The following CA10 variants were observed in gnomAD, a reference collection of about 807,000 sequenced individuals.
CA10 encodes carbonic anhydrase-related protein 10.
Under a neutral mutation model 44.2 loss-of-function variants are expected in CA10, and 14 were observed. That is an observed-to-expected ratio of 0.32 (90% CI 0.21 to 0.50). The LOEUF (loss-of-function observed/expected upper bound fraction) is 0.50, where lower values mean the gene tolerates loss of function less well. Ranked by LOEUF, CA10 falls within the 20% of genes least tolerant of loss-of-function variation. The pLI is 0.99. For synonymous variants in CA10, 159 were observed against 141.6 expected (o/e 1.12, Z -0.87); for missense variants, 350 against 409.7 (o/e 0.85, Z 1.26).
At chr17:51,750,391 T>C (rs560646097) in intron 3 of CA10, among the ~76,000 whole-genome samples, 38 of 152,354 alleles carry the variant, frequency 2.5e-4, no homozygotes, top group Admixed American at 3.9e-4. Context: ...TTCTAACATA[T>C]AGATATTTCC....
intron 4 of CA10, among the ~76,000 whole-genome samples, chr17:51,684,941 C>T (rs1914960248): frequency 6.6e-6 from 1 of 152,118 alleles, no homozygotes; most frequent in Non-Finnish European, 1.5e-5. Context: ...TTCTTAGCTC[C>T]ACATTTGGCC....
intron 3 of CA10, among the ~76,000 whole-genome samples, chr17:51,911,456 G>A (rs1981787316): frequency 6.6e-6 from 1 of 152,138 alleles, no homozygotes; most frequent in Admixed American, 6.6e-5. Context: ...ATTCTGCATA[G>A]CATTACCAGA....
chr17:52,011,695 G>A (rs961663921), intron 2 of CA10, among the ~76,000 whole-genome samples: 2 of 151,844 alleles, frequency 1.3e-5, no homozygotes, highest in Non-Finnish European at 2.9e-5. Flanking sequence ...AGACAAGGAC[G>A]GCATGTATGA....
intron 3 of CA10, among the ~76,000 whole-genome samples, chr17:51,928,588 A>G (rs1420926644): frequency 1.3e-5 from 2 of 152,164 alleles, no homozygotes; most frequent in African/African-American, 2.4e-5. Flanking sequence ...GTGGATAAAA[A>G]TGCGACACAA....
chr17:51,770,938 A>C (rs972546901), intron 3 of CA10, among the ~76,000 whole-genome samples: 5 of 151,916 alleles, frequency 3.3e-5, no homozygotes, highest in African/African-American at 1.2e-4. Context: ...ATCCTGGCCA[A>C]CATGGTGAAA....
intron 3 of CA10, among the ~76,000 whole-genome samples, chr17:51,759,664 C>T (rs1274843065): frequency 1.3e-5 from 2 of 152,116 alleles, no homozygotes; most frequent in Admixed American, 1.3e-4. Context: ...CTCCACCCCC[C>T]ATTCTGCCTC....
Position 52,157,835 on chromosome 17 carries a change from AG to A in CA10, c.-50del, listed in dbSNP as rs749047298. ...ATCACTCGACGGGAAAACGGGGGGAAGGGGGGAGCCCGACACGGCACACACA... is the reference window on the plus strand; with the variant it reads ...ATCACTCGACGGGAAAACGGGGGGAAGGGGGAGCCCGACACGGCACACACA... On this transcript the variant is annotated 5_prime_UTR_variant, in exon 1 of 9. The change abolishes the stop of an existing upstream ORF in the 5' untranslated region. Transcript: ENST00000451037. 2 of 1,496,894 alleles carry A rather than the reference AG, an allele frequency of 1.3e-6. No individual in the cohort carries two copies. The highest frequency in any genetic ancestry group is 1.9e-6 in the Non-Finnish European group (2 of 1,073,158). 92.7% of individuals were successfully genotyped at this position (1,496,894 alleles called of 1,614,324 possible).
At chr17:51,909,827 G>A (rs559939675) in intron 3 of CA10, among the ~76,000 whole-genome samples, 4 of 152,186 alleles carry the variant, frequency 2.6e-5, no homozygotes, top group South Asian at 4.2e-4. Flanking sequence ...CAAGAATGTC[G>A]AGAAAGACTC....
chr17:51,790,798 A>T (rs1906492087), intron 3 of CA10, among the ~76,000 whole-genome samples: 1 of 152,238 alleles, frequency 6.6e-6, no homozygotes, highest in Non-Finnish European at 1.5e-5. Flanking sequence ...AACATTTGTT[A>T]ACAATGAACT....
Position 51,858,621 on chromosome 17 carries a change from G to C in CA10, c.279+72369C>G, listed in dbSNP as rs181909264. Among the ~76,000 whole-genome samples the C allele has an allele frequency of 1.8e-3, 278 of 152,242 alleles. 1 individual carries two copies. Among genetic ancestry groups the C allele is most frequent in the African/African-American group, 6.4e-3 (264 of 41,524 alleles). ...CTTGCCATATTTTAATTCTTTGAAC[G>C]TGCACCAACAATTACATTTTTATAA... is the stretch of plus-strand genomic sequence containing the variant. On this transcript the variant is annotated intron_variant, in intron 3 of 8. Coordinates refer to ENST00000451037, the MANE Select transcript of CA10 (RefSeq NM_020178.5).
At chr17:51,993,701 T>G (rs1458292588) in intron 2 of CA10, among the ~76,000 whole-genome samples, 1 of 152,086 alleles carries the variant, frequency 6.6e-6, no homozygotes, top group Non-Finnish European at 1.5e-5. Flanking sequence ...GAGCTGCATA[T>G]GTGATTTTGC....
chr17:51,973,406 A>C (rs1197279611), intron 2 of CA10, among the ~76,000 whole-genome samples: 1 of 152,206 alleles, frequency 6.6e-6, no homozygotes, highest in Admixed American at 6.5e-5. Context: ...GCAGATAAGG[A>C]GCTCCAGAAA....
At chr17:51,760,538 A>T (rs1905190266) in intron 3 of CA10, among the ~76,000 whole-genome samples, 1 of 152,190 alleles carries the variant, frequency 6.6e-6, no homozygotes, top group Non-Finnish European at 1.5e-5. Context: ...ACACTGGGAG[A>T]TGGCCTCTGG....
intron 2 of CA10, among the ~76,000 whole-genome samples, chr17:51,963,375 C>G (rs7502229): frequency 6.6e-6 from 1 of 152,084 alleles, no homozygotes; most frequent in African/African-American, 2.4e-5. Context: ...CGTCCCTAAT[C>G]TTGCTAGAGA....
In CA10 at chr17:51,928,497, A is replaced by G. The variant is rs978458857; in HGVS notation, c.279+2493T>C. ...TCAAATATGTTAAAATAAACATAGTAACGCAAGTCAGGGGCTTCCAGAGAG... is the reference window on the plus strand; with the variant it reads ...TCAAATATGTTAAAATAAACATAGTGACGCAAGTCAGGGGCTTCCAGAGAG... On this transcript the variant is annotated intron_variant, in intron 3 of 8. Coordinates refer to ENST00000451037, the MANE Select transcript of CA10 (RefSeq NM_020178.5). Among the ~76,000 whole-genome samples the G allele has an allele frequency of 3.3e-5, 5 of 152,174 alleles. No homozygotes were observed. In the East Asian group the frequency reaches 9.6e-4, roughly 29 times the overall value.
chr17:51,760,154 T>C lies in CA10; in HGVS notation c.280-12336A>G, dbSNP rs1598031291. ...AGTGGCACACAGGACACTGGCAGGG[T>C]CCATAGATCCTTCTTAACATTCCCC... On this transcript the variant is annotated intron_variant, in intron 3 of 8. Transcript: ENST00000451037. Among the ~76,000 whole-genome samples, 3 of 152,290 alleles carry C rather than the reference T, an allele frequency of 2.0e-5. No homozygotes were observed. In the South Asian group the frequency reaches 6.2e-4, roughly 32 times the overall value.
intron 6 of CA10, among the ~76,000 whole-genome samples, chr17:51,646,797 G>T (rs1163685067): frequency 6.6e-6 from 1 of 152,224 alleles, no homozygotes; most frequent in Non-Finnish European, 1.5e-5. Flanking sequence ...TTCTGCCGCA[G>T]TGTCCTGGGC....
At chr17:51,735,980 GT>G (rs1916895158) in intron 4 of CA10, among the ~76,000 whole-genome samples, 1 of 152,110 alleles carries the variant, frequency 6.6e-6, no homozygotes. Flanking sequence ...TGATGGAAGC[GT>G]TCTAGACCAT....
intron 2 of CA10, among the ~76,000 whole-genome samples, chr17:51,992,708 TCATCTC>T (rs2144106214): frequency 6.6e-6 from 1 of 152,178 alleles, no homozygotes; most frequent in African/African-American, 2.4e-5. Context: ...TATCACATAT[TCATCTC>T]CAATACCTGA....
Sources: allele counts gnomAD v4.1 joint callset (sites outside exome capture counted in the v4.1 genomes callset), GRCh38; gene constraint gnomAD v4.1.1; transcripts MANE v1.5; gene names NCBI Gene and HGNC (gene_info 2026-07-23, HGNC 2026-07-21).